The following GPC3 variants were observed in gnomAD, a reference collection of about 807,000 sequenced individuals.
GPC3 encodes the protein glypican-3.
Under a neutral mutation model 34.4 loss-of-function variants are expected in GPC3, and 3 were observed. That is an observed-to-expected ratio of 0.09 (90% CI 0.04 to 0.23). GPC3 has a LOEUF of 0.23. Ranked by LOEUF, GPC3 falls within the 10% of genes least tolerant of loss-of-function variation. The probability of loss-of-function intolerance (pLI) is 1.00; values close to 1 mark genes in which losing one functional copy is unlikely to be tolerated. For synonymous variants in GPC3, 177 were observed against 174.0 expected (o/e 1.02, Z -0.13); for missense variants, 351 against 445.6 (o/e 0.79, Z 1.91).
At chrX:133,933,721 T>G (rs1007886881) in intron 2 of GPC3, among the ~76,000 whole-genome samples, 4 of 109,973 alleles carry the variant, frequency 3.6e-5, no homozygotes, top group Non-Finnish European at 7.6e-5. Flanking sequence ...GCTCCTGCTT[T>G]CGGCACGTGA....
intron 2 of GPC3, among the ~76,000 whole-genome samples, chrX:133,938,630 A>G (rs1444298989): frequency 2.7e-5 from 3 of 112,004 alleles, no homozygotes; most frequent in Non-Finnish European, 5.6e-5. Context: ...AAACTATCAC[A>G]ATATTCAAAT....
intron 7 of GPC3, among the ~76,000 whole-genome samples, chrX:133,584,626 G>A (rs1037994436): frequency 5.4e-5 from 6 of 111,267 alleles, no homozygotes; most frequent in Non-Finnish European, 1.1e-4. Flanking sequence ...TGACAGGTGC[G>A]CACCACCATG....
At chrX:133,584,542 G>A (rs1334445834) in intron 7 of GPC3, among the ~76,000 whole-genome samples, 4 of 111,833 alleles carry the variant, frequency 3.6e-5, no homozygotes, top group African/African-American at 1.3e-4. Flanking sequence ...GCAGTGGCAC[G>A]ATCTCAGCTC....
intron 3 of GPC3, among the ~76,000 whole-genome samples, chrX:133,721,352 TA>T (rs1401839550): frequency 1.9e-3 from 172 of 91,749 alleles, no homozygotes; most frequent in Middle Eastern, 5.1e-3. Flanking sequence ...TTCACAGAAA[TA>T]AAAAAAAAAA....
chrX:133,684,124 A>G (rs1381326107), intron 5 of GPC3, among the ~76,000 whole-genome samples: 1 of 112,575 alleles, frequency 8.9e-6, no homozygotes, highest in Non-Finnish European at 1.9e-5. Context: ...CTAGCAAAGC[A>G]TCATTATACT....
chrX:133,981,497 T>A (rs1339789028), intron 1 of GPC3, among the ~76,000 whole-genome samples: 1 of 112,392 alleles, frequency 8.9e-6, no homozygotes, highest in African/African-American at 3.2e-5. Flanking sequence ...TCAGACCACA[T>A]TTGAAAGAAT....
At chrX:133,754,504 T>C (rs974605234) in intron 2 of GPC3, among the ~76,000 whole-genome samples, 2 of 112,480 alleles carry the variant, frequency 1.8e-5, no homozygotes, top group Non-Finnish European at 3.7e-5. Flanking sequence ...ATTGGCTAAA[T>C]GAGAAGTTAT....
At chrX:133,955,612 C>T (rs771651759) in intron 1 of GPC3, among the ~76,000 whole-genome samples, 2 of 111,428 alleles carry the variant, frequency 1.8e-5, no homozygotes, top group Non-Finnish European at 3.8e-5. Context: ...GAAATTTAAT[C>T]CCTTCTCCAA....
intron 7 of GPC3, among the ~76,000 whole-genome samples, chrX:133,550,493 C>T (rs2069424976): frequency 8.9e-6 from 1 of 111,892 alleles, no homozygotes; most frequent in Admixed American, 9.5e-5. Context: ...TGTTCCTCTC[C>T]TCAACTAGAC....
At chrX:133,722,863 A>C (rs75191497) in intron 3 of GPC3, among the ~76,000 whole-genome samples, 1 of 111,717 alleles carries the variant, frequency 9.0e-6, no homozygotes, top group Non-Finnish European at 1.9e-5. Context: ...GGAAAAAAAA[A>C]TCAGGTGAAT....
chrX:133,659,100 G>A lies in GPC3; in HGVS notation c.1413+2630C>T, dbSNP rs186314877. ...CACATGCAATTACATATATCTATGT[G>A]TACATATTATATATATGTATATGAT... is the stretch of plus-strand genomic sequence containing the variant. On this transcript the variant is annotated intron_variant, in intron 6 of 7. Transcript: ENST00000370818. Among the ~76,000 whole-genome samples the A allele has an allele frequency of 5.0e-3, 560 of 112,129 alleles. 6 individuals are homozygous for A. The highest frequency in any genetic ancestry group is 9.7e-3 in the South Asian group (26 of 2,681).
At position 133,741,769 on chromosome X, in the gene GPC3, T is replaced by C. The variant is rs184983252; in HGVS notation, c.1032+11713A>G. ...AGAATTGTGTGAGGCACATAGCAAG[T>C]GCTTATTAAATAATCACTCTTGTCA... On this transcript the variant is annotated intron_variant, in intron 3 of 7. Coordinates refer to ENST00000370818, the MANE Select transcript of GPC3 (RefSeq NM_004484.4). 3.5e-5 allele frequency among the ~76,000 whole-genome samples: 4 copies of C among 113,097 alleles called. No homozygotes were observed. In the East Asian group the frequency reaches 1.1e-3, roughly 31 times the overall value.
chrX:133,716,369 T>A (rs2071313374), intron 3 of GPC3, among the ~76,000 whole-genome samples: 1 of 112,137 alleles, frequency 8.9e-6, no homozygotes, highest in Admixed American at 9.4e-5. Flanking sequence ...CAAAAAACTT[T>A]AAACTAGCCA....
chrX:133,899,645 C>T (rs1182358416), intron 2 of GPC3, among the ~76,000 whole-genome samples: 2 of 111,148 alleles, frequency 1.8e-5, no homozygotes, highest in Non-Finnish European at 3.8e-5. Flanking sequence ...ACTACCCAAC[C>T]CAGAAGTCTA....
At chrX:133,741,317 G>A (rs1161532024) in intron 3 of GPC3, among the ~76,000 whole-genome samples, 1 of 110,433 alleles carries the variant, frequency 9.1e-6, no homozygotes, top group African/African-American at 3.3e-5. Flanking sequence ...CTTTAATTAG[G>A]ATTAATTAAT....
At chrX:133,782,186 C>A (rs922687108) in intron 2 of GPC3, among the ~76,000 whole-genome samples, 2 of 111,394 alleles carry the variant, frequency 1.8e-5, no homozygotes, top group Non-Finnish European at 3.8e-5. Flanking sequence ...ACCCTAAACC[C>A]CTGGCCCAGC....
intron 2 of GPC3, among the ~76,000 whole-genome samples, chrX:133,818,328 T>C (rs1421509781): frequency 3.6e-5 from 4 of 111,770 alleles, no homozygotes; most frequent in Non-Finnish European, 7.5e-5. Context: ...ATGTATAACA[T>C]TAAAGCAAAG....
At chrX:133,909,848 C>A (rs768957864) in intron 2 of GPC3, among the ~76,000 whole-genome samples, 15 of 111,400 alleles carry the variant, frequency 1.3e-4, no homozygotes, top group Non-Finnish European at 2.3e-4. Context: ...AAGCCTGGAT[C>A]TGAGTATATG....
intron 7 of GPC3, among the ~76,000 whole-genome samples, chrX:133,549,619 C>T (rs751776170): frequency 6.6e-5 from 7 of 106,286 alleles, no homozygotes; most frequent in Non-Finnish European, 1.2e-4. Context: ...GCCTCTCTCT[C>T]TCTCTCCCTC....
Sources: allele counts gnomAD v4.1 joint callset (sites outside exome capture counted in the v4.1 genomes callset), GRCh38; gene constraint gnomAD v4.1.1; transcripts MANE v1.5; gene names NCBI Gene and HGNC (gene_info 2026-07-23, HGNC 2026-07-21).